Variants in DPP10 observed in about 807,000 individuals in gnomAD.
DPP10 encodes inactive dipeptidyl peptidase 10.
DPP10 carries 33 observed loss-of-function variants against 120.9 expected under a neutral mutation model. The ratio of observed to expected loss-of-function variants is 0.27; its 90% CI spans 0.21 to 0.37. The LOEUF (loss-of-function observed/expected upper bound fraction) is 0.37. Ranked by LOEUF, DPP10 falls within the 10% of genes least tolerant of loss-of-function variation. DPP10 has a pLI of 1.00. For synonymous variants in DPP10, 337 were observed against 326.1 expected, an observed-to-expected ratio of 1.03 and a Z score of -0.36; for missense variants, 816 against 942.8, an observed-to-expected ratio of 0.87 and a Z score of 1.76.
intron 1 of DPP10, among the ~76,000 whole-genome samples, chr2:114,812,735 T>C (rs1685291431): frequency 6.6e-6 from 1 of 151,984 alleles, no homozygotes; most frequent in Non-Finnish European, 1.5e-5. Context: ...TGTTTGTTTG[T>C]CTGTCTTTGT....
intron 1 of DPP10, among the ~76,000 whole-genome samples, chr2:114,521,054 C>G (rs939070800): frequency 6.6e-6 from 1 of 151,702 alleles, no homozygotes; most frequent in Non-Finnish European, 1.5e-5. Flanking sequence ...AAAACAAGAC[C>G]CATAGAGTAA....
chr2:115,286,403 T>C (rs1170104241), intron 1 of DPP10, among the ~76,000 whole-genome samples: 2 of 147,232 alleles, frequency 1.4e-5, no homozygotes, highest in Admixed American at 6.9e-5. Context: ...TCTTTTTTTT[T>C]ACTTTGGAAT....
chr2:114,824,594 T>C (rs1454440044), intron 1 of DPP10, among the ~76,000 whole-genome samples: 1 of 152,018 alleles, frequency 6.6e-6, no homozygotes, highest in Non-Finnish European at 1.5e-5. Flanking sequence ...ATTTGGTACA[T>C]CAGAGTTCCA....
At chr2:115,348,482 A>C (rs1016118227) in intron 3 of DPP10, among the ~76,000 whole-genome samples, 2 of 151,930 alleles carry the variant, frequency 1.3e-5, no homozygotes, top group Non-Finnish European at 2.9e-5. Flanking sequence ...ATGTGTTTAC[A>C]TAGTTTTTTT....
intron 3 of DPP10, among the ~76,000 whole-genome samples, chr2:115,427,662 C>G (rs1335804261): frequency 6.6e-6 from 1 of 152,178 alleles, no homozygotes; most frequent in Admixed American, 6.5e-5. Flanking sequence ...ATGGGAGGGG[C>G]TGCCTAGAAG....
chr2:115,801,907 G>T (rs1190767120), intron 19 of DPP10, among the ~76,000 whole-genome samples: 2 of 152,084 alleles, frequency 1.3e-5, no homozygotes, highest in Non-Finnish European at 2.9e-5. Flanking sequence ...TTTTTGTAGT[G>T]TCTCTGCTCG....
At chr2:114,800,895 A>G (rs1393200184) in intron 1 of DPP10, among the ~76,000 whole-genome samples, 1 of 151,668 alleles carries the variant, frequency 6.6e-6, no homozygotes, top group African/African-American at 2.4e-5. Flanking sequence ...AATCTCAGGG[A>G]AATTTTAGAT....
chr2:115,383,102 G>T (rs952761251), intron 3 of DPP10, among the ~76,000 whole-genome samples: 3 of 152,222 alleles, frequency 2.0e-5, no homozygotes, highest in Non-Finnish European at 1.5e-5. Context: ...TCCACAATGG[G>T]TAAATAGCCT....
intron 3 of DPP10, among the ~76,000 whole-genome samples, chr2:115,474,236 G>A (rs2074924430): frequency 6.6e-6 from 1 of 152,144 alleles, no homozygotes; most frequent in Admixed American, 6.5e-5. Context: ...CAAGGTTCAA[G>A]AGAAAACTTT....
At chr2:115,489,562 G>T (rs1371052904) in intron 3 of DPP10, among the ~76,000 whole-genome samples, 1 of 149,642 alleles carries the variant, frequency 6.7e-6, no homozygotes, top group African/African-American at 2.4e-5. Flanking sequence ...GGCCATGCAA[G>T]GCAAAGGTTA....
chr2:115,492,906 G>T (rs2076200235), intron 3 of DPP10, among the ~76,000 whole-genome samples: 1 of 152,084 alleles, frequency 6.6e-6, no homozygotes, highest in African/African-American at 2.4e-5. Flanking sequence ...CTTTAAAGGT[G>T]TTGGGAATTT....
At chr2:114,963,239 A>G (rs901707179) in intron 1 of DPP10, among the ~76,000 whole-genome samples, 3 of 152,196 alleles carry the variant, frequency 2.0e-5, no homozygotes, top group Non-Finnish European at 4.4e-5. Context: ...CCAGAGCCAC[A>G]GGGACGTTAA....
intron 1 of DPP10, among the ~76,000 whole-genome samples, chr2:114,837,099 C>T (rs963668207): frequency 1.3e-5 from 2 of 152,032 alleles, no homozygotes; most frequent in Non-Finnish European, 2.9e-5. Context: ...CATACATCCT[C>T]CTCAGTTTAC....
intron 3 of DPP10, among the ~76,000 whole-genome samples, chr2:115,453,980 G>A (rs1049980650): frequency 6.6e-6 from 1 of 151,254 alleles, no homozygotes; most frequent in Admixed American, 6.6e-5. Flanking sequence ...TAGATAACTA[G>A]CAAAAATGGA....
At chr2:114,818,047 A>G (rs1685781753) in intron 1 of DPP10, among the ~76,000 whole-genome samples, 1 of 152,134 alleles carries the variant, frequency 6.6e-6, no homozygotes, top group South Asian at 2.1e-4. Flanking sequence ...ACTAAGGATA[A>G]TCTTTTGCCT....
At chr2:115,294,897 T>G (rs2060817100) in intron 1 of DPP10, among the ~76,000 whole-genome samples, 1 of 151,914 alleles carries the variant, frequency 6.6e-6, no homozygotes, top group African/African-American at 2.4e-5. Context: ...CCCCAACCCC[T>G]CCTCCCGACA....
chr2:115,249,776 A>G (rs1030867148), intron 1 of DPP10, among the ~76,000 whole-genome samples: 2 of 152,160 alleles, frequency 1.3e-5, no homozygotes, highest in Admixed American at 1.3e-4. Context: ...GTTAAGTATG[A>G]AAGGTTAACC....
At chr2:115,129,286 T>G (rs1573717968) in intron 1 of DPP10, among the ~76,000 whole-genome samples, 1 of 152,230 alleles carries the variant, frequency 6.6e-6, no homozygotes, top group Non-Finnish European at 1.5e-5. Context: ...TGGATGATAA[T>G]GCATTCCAAT....
At chr2:114,698,677 G>A (rs912190626) in intron 1 of DPP10, among the ~76,000 whole-genome samples, 1 of 152,074 alleles carries the variant, frequency 6.6e-6, no homozygotes, top group Non-Finnish European at 1.5e-5. Context: ...ATCTTGGAAA[G>A]CAAGTGAAAG....
Sources: allele counts gnomAD v4.1 joint callset (sites outside exome capture counted in the v4.1 genomes callset), GRCh38; gene constraint gnomAD v4.1.1; transcripts MANE v1.5; gene names NCBI Gene and HGNC (gene_info 2026-07-23, HGNC 2026-07-21).